The following BSN variants were observed in gnomAD, a reference collection of about 807,000 sequenced individuals.
The protein encoded by BSN is bassoon presynaptic cytomatrix protein.
BSN carries 57 observed loss-of-function variants against 264.8 expected under a neutral mutation model. That is an observed-to-expected ratio of 0.22 (90% CI 0.17 to 0.27). The LOEUF (loss-of-function observed/expected upper bound fraction) is 0.27, where lower values mean the gene tolerates loss of function less well. BSN is among the 10% of genes least tolerant of loss of function. The pLI is 1.00. For missense variants in BSN, 4,615 were observed against 5,232.5 expected (o/e 0.88, Z 3.64); for synonymous variants, 2,059 against 2,137.3 (o/e 0.96, Z 1.01).
intron 1 of BSN, among the ~76,000 whole-genome samples, chr3:49,584,638 C>G (rs1182901784): frequency 6.6e-6 from 1 of 152,010 alleles, no homozygotes; most frequent in Non-Finnish European, 1.5e-5. Context: ...ACAATCCAAT[C>G]ACATTCTTTA....
chr3:49,554,635 T>C lies in BSN; in HGVS notation c.33T>C (p.Ala11=). The change falls in exon 1 of 12, where the codon GCT becomes GCC. Residue 11 remains alanine, a synonymous_variant. Transcript: ENST00000296452. ...ACGAGGTCAGCCTGGAGGGCGGCGC[T>C]GGCGACGGGCCGCTGCCGCCCGGCG... The part of the protein sequence containing the change: MGNEVSLEGG[A]GDGPLPPGGA... 4.1e-6 allele frequency: 4 copies of C among 982,376 alleles called. No individual in the cohort carries two copies. Among genetic ancestry groups the C allele is most frequent in the Non-Finnish European group, 4.8e-6 (4 of 829,470 alleles). The allele number at this position is 982,376 out of a possible 1,614,324, so 60.9% of individuals were successfully genotyped here. A position where few individuals can be genotyped will look rare whatever the true frequency, so the allele number is the denominator to read the frequency against.
chr3:49,653,139 G>A lies in BSN; in HGVS notation c.3583G>A (p.Ala1195Thr), dbSNP rs201869907. 6.2e-7 allele frequency: 1 copy of A among 1,613,244 alleles called. No homozygotes were observed. The highest frequency in any genetic ancestry group is 8.5e-7 in the Non-Finnish European group (1 of 1,179,948). ...GGCTTATGAGGAGATGATGCGCAAA[G>A]CTGAGCTGCTCCAGAGGCAGCAAGG... ...EEAYEEMMRK[A>T]ELLQRQQGQA... Residue 1195 changes from alanine to threonine, a missense_variant, in exon 5 of 12, where the codon GCT (alanine) becomes ACT (threonine). Around this residue, in one of 3 missense-constraint regions of BSN, gnomAD observed 3,415 missense variants for 3,866.4 expected, o/e 0.88. Transcript: ENST00000296452. This position sits in a 1 kb window ranked among gnomAD's most constrained non-coding sequence, Gnocchi z 6.3.
chr3:49,672,844 A>T (rs1176009744), downstream of BSN, among the ~76,000 whole-genome samples: 4 of 134,094 alleles, frequency 3.0e-5, no homozygotes, highest in South Asian at 2.3e-4. Flanking sequence ...CAGTGGCGCG[A>T]TCTCGGCTCA....
At chr3:49,580,557 G>A (rs1235741023) in intron 1 of BSN, among the ~76,000 whole-genome samples, 1 of 151,648 alleles carries the variant, frequency 6.6e-6, no homozygotes, top group African/African-American at 2.4e-5. Context: ...TCAGCCTCCC[G>A]GGCTCAAGCA....
rs2051930958 is a variant in BSN at position 49,585,611 on chromosome 3, AC to A, written c.224+30786del. Among the ~76,000 whole-genome samples, 1 of 152,194 alleles carries A rather than the reference AC, an allele frequency of 6.6e-6. No homozygotes were observed. The highest frequency in any genetic ancestry group is 1.5e-5 in the Non-Finnish European group (1 of 68,020). ...CTTGGAGGATTTGTCCACACCCCTC[AC>A]GTTTCTTCAGCCGCCCCTGGGCGCT... On this transcript the variant is annotated intron_variant, in intron 1 of 11. Coordinates refer to ENST00000296452, the MANE Select transcript of BSN (RefSeq NM_003458.4). This position sits in a 1 kb window ranked among gnomAD's most constrained non-coding sequence, Gnocchi z 4.7.
Position 49,651,188 on chromosome 3 carries a change from G to T in BSN, c.1986+109G>T, listed in dbSNP as rs2052538947. 1 of 1,102,934 alleles carries T rather than the reference G, an allele frequency of 9.1e-7. No individual in the cohort carries two copies. Among genetic ancestry groups the T allele is most frequent in the Non-Finnish European group, 1.3e-6 (1 of 791,568 alleles). The allele number at this position is 1,102,934 out of a possible 1,614,324, so 68.3% of individuals were successfully genotyped here. ...TGTAGGCTCAGGACAGGTGCCTTGGGGCCACACAGGAGGGAAGGGACACAG... is the reference window on the plus strand; with the variant it reads ...TGTAGGCTCAGGACAGGTGCCTTGGTGCCACACAGGAGGGAAGGGACACAG... On this transcript the variant is annotated intron_variant, in intron 4 of 11. Coordinates refer to ENST00000296452, the MANE Select transcript of BSN (RefSeq NM_003458.4). This position sits in a 1 kb window ranked among gnomAD's most constrained non-coding sequence, Gnocchi z 5.4.
chr3:49,554,650 G>A lies in BSN; in HGVS notation c.48G>A (p.Leu16=). 5 of 986,058 alleles carry A rather than the reference G, an allele frequency of 5.1e-6. No homozygotes were observed. The highest frequency in any genetic ancestry group is 6.0e-6 in the Non-Finnish European group (5 of 831,732). 61.1% of individuals were successfully genotyped at this position (986,058 alleles called of 1,614,324 possible). ...AGGGCGGCGCTGGCGACGGGCCGCTGCCGCCCGGCGGCGCCGGCCCCGGCC... is the reference window on the plus strand; with the variant it reads ...AGGGCGGCGCTGGCGACGGGCCGCTACCGCCCGGCGGCGCCGGCCCCGGCC... ...SLEGGAGDGP[L]PPGGAGPGPG... Residue 16 remains leucine, a synonymous_variant, in exon 1 of 12, where the codon CTG becomes CTA. Coordinates refer to ENST00000296452, the MANE Select transcript of BSN (RefSeq NM_003458.4).
At chr3:49,605,409 TTA>T (rs2052106729) in intron 1 of BSN, among the ~76,000 whole-genome samples, 1 of 44,538 alleles carries the variant, frequency 2.2e-5, no homozygotes, top group Admixed American at 4.4e-4. Context: ...TTTATATAAT[TTA>T]TATTTTATAT....
chr3:49,652,825 C>G lies in BSN; in HGVS notation c.3269C>G (p.Ser1090Cys). The G allele has an allele frequency of 6.3e-7, 1 of 1,582,872 alleles. No individual in the cohort carries two copies. Among genetic ancestry groups the G allele is most frequent in the Non-Finnish European group, 8.6e-7 (1 of 1,163,532 alleles). Residue 1090 changes from serine (S) to cysteine (C), a missense_variant, in exon 5 of 12, where the codon TCC (serine) becomes TGC (cysteine). By Grantham distance (112) the Ser-to-Cys change is moderately radical. Transcript: ENST00000296452. ...CGGGCCCAGCGGAGGCGAGAGCGCT[C>G]CAAGACACCACCCAGTAACTTGTCA... Reference protein sequence around the residue: ...ELRAQRRRERSKTPPSNLSPI... With the variant: ...ELRAQRRRERCKTPPSNLSPI...
chr3:49,582,662 G>C (rs896434113), intron 1 of BSN, among the ~76,000 whole-genome samples: 1 of 152,056 alleles, frequency 6.6e-6, no homozygotes, highest in African/African-American at 2.4e-5. Flanking sequence ...CTCTGACTAG[G>C]ACTTCCAGTA....
intron 1 of BSN, among the ~76,000 whole-genome samples, chr3:49,566,516 G>A (rs2051752871): frequency 6.6e-6 from 1 of 152,028 alleles, no homozygotes; most frequent in South Asian, 2.1e-4. Context: ...TGGGTGCAGT[G>A]GCTCCCCCCT....
downstream of BSN, among the ~76,000 whole-genome samples, chr3:49,672,159 G>A (rs568763955): frequency 6.7e-6 from 1 of 148,572 alleles, no homozygotes; most frequent in African/African-American, 2.5e-5. Context: ...ATTTTAAACA[G>A]AAGCCAGAAG....
chr3:49,571,692 C>T (rs1284833512), intron 1 of BSN, among the ~76,000 whole-genome samples: 1 of 152,116 alleles, frequency 6.6e-6, no homozygotes, highest in Admixed American at 6.5e-5. Flanking sequence ...CCTCCAACTG[C>T]CATGGACATG....
intron 2 of BSN, chr3:49,640,853 T>TA (rs2052457794): frequency 6.6e-6 from 1 of 152,316 alleles, no homozygotes; most frequent in Non-Finnish European, 1.5e-5. Context: ...GGGAAAGTGT[T>TA]ACCTCATCTG....
intron 1 of BSN, among the ~76,000 whole-genome samples, chr3:49,600,764 A>T (rs1315235672): frequency 1.3e-5 from 2 of 152,060 alleles, no homozygotes; most frequent in Non-Finnish European, 2.9e-5. Flanking sequence ...CAGTCATGTC[A>T]CTGCACTCCA....
At chr3:49,571,873 C>T (rs919560430) in intron 1 of BSN, among the ~76,000 whole-genome samples, 3 of 152,204 alleles carry the variant, frequency 2.0e-5, no homozygotes, top group Non-Finnish European at 4.4e-5. Context: ...GCAACACCAA[C>T]TCCCCATACC....
chr3:49,582,083 C>G (rs2051899326), intron 1 of BSN, among the ~76,000 whole-genome samples: 1 of 152,148 alleles, frequency 6.6e-6, no homozygotes, highest in Non-Finnish European at 1.5e-5. Context: ...TTTTCTGTAG[C>G]AGCTGTACCG....
intron 10 of BSN, 77 bp downstream of exon 10, chr3:49,664,930 C>A: frequency 9.1e-7 from 1 of 1,100,884 alleles, no homozygotes; most frequent in Non-Finnish European, 1.4e-6. Flanking sequence ...GGCTCTAAGT[C>A]CGAAGGGGTC....
intron 3 of BSN, among the ~76,000 whole-genome samples, chr3:49,646,519 G>T (rs942038340): frequency 3.3e-5 from 5 of 152,220 alleles, no homozygotes; most frequent in African/African-American, 1.2e-4. Flanking sequence ...CAGGCCAGAG[G>T]TCCTGTTGCC....
Sources: allele counts gnomAD v4.1 joint callset (sites outside exome capture counted in the v4.1 genomes callset), GRCh38; gene constraint gnomAD v4.1.1; regional missense constraint gnomAD v4.1.1; non-coding constraint Gnocchi (gnomAD v3.1); transcripts MANE v1.5; gene names NCBI Gene and HGNC (gene_info 2026-07-23, HGNC 2026-07-21).